CCDC73: variants seen among roughly 807,000 people sequenced by gnomAD.
CCDC73 encodes coiled-coil domain containing 73, also known as coiled-coil domain-containing protein 73.
In CCDC73, 95 loss-of-function variants were observed where a neutral mutation model predicts 116.5. That is an observed-to-expected ratio of 0.82 (90% CI 0.69 to 0.97). The LOEUF is 0.97. CCDC73 is among the 50% of genes least tolerant of loss of function. The probability of loss-of-function intolerance (pLI) is 0.00; values close to 1 mark genes in which losing one functional copy is unlikely to be tolerated. For missense variants in CCDC73, 1,066 were observed against 1,206.8 expected (o/e 0.88, Z 1.73); for synonymous variants, 398 against 401.3 (o/e 0.99, Z 0.10).
chr11:32,736,615 G>A (rs1850131974), intron 2 of CCDC73, among the ~76,000 whole-genome samples: 1 of 151,890 alleles, frequency 6.6e-6, no homozygotes, highest in Non-Finnish European at 1.5e-5. Context: ...ATTCCTCAAG[G>A]ATCTAGAACT....
chr11:32,682,187 T>C (rs1162223051), intron 7 of CCDC73: 1 of 151,898 alleles, frequency 6.6e-6, no homozygotes, highest in East Asian at 1.9e-4. Context: ...CATTTTATGT[T>C]GCCTTTGATC....
chr11:32,727,572 AT>A (rs367794596), intron 2 of CCDC73, among the ~76,000 whole-genome samples: 7 of 150,556 alleles, frequency 4.6e-5, no homozygotes, highest in Admixed American at 2.6e-4. Flanking sequence ...GCCTGAAGCA[AT>A]TTTTTTTTCT....
At chr11:32,760,055 C>T in intron 2 of CCDC73, 54 bp downstream of exon 2, 3 of 1,446,606 alleles carry the variant, frequency 2.1e-6, no homozygotes, top group Non-Finnish European at 2.8e-6. Flanking sequence ...AAACAATAAA[C>T]TGAACAAAAT....
In CCDC73 at chr11:32,676,062, A is replaced by G. The variant is rs775016037; in HGVS notation, c.430-41T>C. On this transcript the variant is annotated intron_variant, in intron 7 of 17. Transcript: ENST00000335185. The stretch of plus-strand genomic sequence containing the variant: ...ATTTTAAATGTTATACATATAACAC[A>G]CACACATCGCCACACACAACAAATA... 4 of 1,490,234 alleles carry G rather than the reference A, an allele frequency of 2.7e-6. No individual in the cohort carries two copies. In the South Asian group the frequency reaches 5.4e-5, roughly 20 times the overall value. The allele number at this position is 1,490,234 out of a possible 1,614,324, so 92.3% of individuals were successfully genotyped here. A position where few individuals can be genotyped will look rare whatever the true frequency, so the allele number is the denominator to read the frequency against.
chr11:32,651,180 T>C (rs545109127), intron 12 of CCDC73, among the ~76,000 whole-genome samples: 15 of 152,170 alleles, frequency 9.9e-5, no homozygotes, highest in African/African-American at 3.6e-4. Flanking sequence ...CCATGGGGCC[T>C]TCACCCCAAC....
intron 2 of CCDC73, among the ~76,000 whole-genome samples, chr11:32,721,110 C>T (rs994861475): frequency 2.0e-5 from 3 of 152,042 alleles, no homozygotes; most frequent in African/African-American, 4.8e-5. Flanking sequence ...CTGCAACCTC[C>T]GCATCCCAGG....
chr11:32,676,096 A>T (rs1169679225), intron 7 of CCDC73, 75 bp from the exon 8 acceptor site: 9 of 1,246,276 alleles, frequency 7.2e-6, no homozygotes, highest in Non-Finnish European at 9.7e-6. Flanking sequence ...TATGTAAAAT[A>T]TATTGTGGTA....
the CCDC73 span, among the ~76,000 whole-genome samples, chr11:32,811,294 T>C: frequency 6.6e-6 from 1 of 152,204 alleles, no homozygotes; most frequent in African/African-American, 2.4e-5. Flanking sequence ...ATCCTTATAG[T>C]TTTATTGCAT....
chr11:32,768,364 G>A (rs1312778503), intron 1 of CCDC73, among the ~76,000 whole-genome samples: 3 of 152,056 alleles, frequency 2.0e-5, no homozygotes, highest in Non-Finnish European at 2.9e-5. Context: ...GGAGATATAC[G>A]TAACATAAAT....
chr11:32,726,888 A>C (rs1231513432), intron 2 of CCDC73, among the ~76,000 whole-genome samples: 1 of 152,178 alleles, frequency 6.6e-6, no homozygotes, highest in Non-Finnish European at 1.5e-5. Flanking sequence ...AAATAATTTG[A>C]ATAAAAATAC....
At chr11:32,712,139 G>A (rs1849905377) in intron 3 of CCDC73, among the ~76,000 whole-genome samples, 1 of 152,120 alleles carries the variant, frequency 6.6e-6, no homozygotes, top group Non-Finnish European at 1.5e-5. Context: ...TCCACCCAGT[G>A]CTATAATACC....
chr11:32,745,146 C>A (rs1417854999), intron 2 of CCDC73, among the ~76,000 whole-genome samples: 1 of 152,062 alleles, frequency 6.6e-6, no homozygotes, highest in African/African-American at 2.4e-5. Flanking sequence ...TTATTTCTGC[C>A]TTCATTTCGT....
chr11:32,666,883 G>A (rs1475412886), intron 9 of CCDC73, among the ~76,000 whole-genome samples: 1 of 152,156 alleles, frequency 6.6e-6, no homozygotes, highest in South Asian at 2.1e-4. Context: ...TAACAGTCAG[G>A]ACCCTCAGCT....
chr11:32,649,112 T>C (rs1047217217), intron 12 of CCDC73, among the ~76,000 whole-genome samples: 1 of 152,168 alleles, frequency 6.6e-6, no homozygotes, highest in East Asian at 1.9e-4. Flanking sequence ...TTTTCTGAGT[T>C]AATGGTGACT....
At chr11:32,766,798 C>T (rs1850446624) in intron 1 of CCDC73, among the ~76,000 whole-genome samples, 1 of 152,142 alleles carries the variant, frequency 6.6e-6, no homozygotes, top group Admixed American at 6.5e-5. Context: ...GAACTACAAA[C>T]CACTGCTCAA....
At chr11:32,824,355 C>G in the CCDC73 span, among the ~76,000 whole-genome samples, 1 of 151,888 alleles carries the variant, frequency 6.6e-6, no homozygotes, top group Non-Finnish European at 1.5e-5. Context: ...ATATAATATA[C>G]AAATTATATA....
chr11:32,824,139 C>T, the CCDC73 span, among the ~76,000 whole-genome samples: 1 of 152,110 alleles, frequency 6.6e-6, no homozygotes, highest in South Asian at 2.1e-4. Context: ...AAGTAATCTG[C>T]CTGCTTCAGA....
intron 3 of CCDC73, among the ~76,000 whole-genome samples, chr11:32,707,178 C>T (rs1849862957): frequency 6.6e-6 from 1 of 151,978 alleles, no homozygotes; most frequent in Non-Finnish European, 1.5e-5. Flanking sequence ...ATGAGTCATA[C>T]CTTATGAAGT....
chr11:32,712,538 C>G (rs1849909000), intron 3 of CCDC73, among the ~76,000 whole-genome samples: 1 of 149,272 alleles, frequency 6.7e-6, no homozygotes, highest in Non-Finnish European at 1.5e-5. Flanking sequence ...CCCATATATA[C>G]AATATTTATT....
Sources: allele counts gnomAD v4.1 joint callset (sites outside exome capture counted in the v4.1 genomes callset), GRCh38; gene constraint gnomAD v4.1.1; transcripts MANE v1.5; gene names NCBI Gene and HGNC (gene_info 2026-07-23, HGNC 2026-07-21).